DNAH3: variants seen among roughly 807,000 people sequenced by gnomAD.
DNAH3 encodes the protein dynein axonemal heavy chain 3, also known as axonemal beta dynein heavy chain 3.
A neutral mutation model predicts 432.5 loss-of-function variants in DNAH3; 332 were observed. That is an observed-to-expected ratio of 0.77 (90% confidence interval 0.70 to 0.84). The LOEUF is 0.84. Among genes scored for constraint, DNAH3 ranks in the 40% least tolerant of loss-of-function variants. The pLI, the probability that DNAH3 is intolerant of heterozygous loss-of-function variation, is 0.00. For synonymous variants in DNAH3, 1,956 were observed against 1,900.2 expected, an observed-to-expected ratio of 1.03 and a Z score of -0.76; for missense variants, 4,861 against 5,114.0, an observed-to-expected ratio of 0.95 and a Z score of 1.51.
chr16:21,083,212 C>T (rs1375760607), intron 19 of DNAH3, among the ~76,000 whole-genome samples: 5 of 152,114 alleles, frequency 3.3e-5, no homozygotes, highest in South Asian at 2.1e-4. Flanking sequence ...AATGGGGTTT[C>T]GCCATGTTGG....
At chr16:20,951,120 C>G (rs542222641) in intron 56 of DNAH3, among the ~76,000 whole-genome samples, 1 of 152,126 alleles carries the variant, frequency 6.6e-6, no homozygotes, top group African/African-American at 2.4e-5. Flanking sequence ...AGCCTATGAT[C>G]AAGTTTTACA....
chr16:21,056,376 T>TTCTC (rs542508151), intron 27 of DNAH3, among the ~76,000 whole-genome samples: 1 of 132,516 alleles, frequency 7.5e-6, no homozygotes, highest in East Asian at 2.6e-4. Context: ...CCTTCTTTTT[T>TTCTC]CCTCCCTCCC....
chr16:20,992,170 T>C (rs1458063875), intron 44 of DNAH3, among the ~76,000 whole-genome samples: 1 of 152,018 alleles, frequency 6.6e-6, no homozygotes, highest in Non-Finnish European at 1.5e-5. Flanking sequence ...TATATTTAGA[T>C]AAATTTCAAT....
chr16:21,062,206 T>A (rs559021074), intron 25 of DNAH3, among the ~76,000 whole-genome samples: 1 of 152,290 alleles, frequency 6.6e-6, no homozygotes, highest in Admixed American at 6.5e-5. Context: ...ATCGGCTGTT[T>A]GGATCTGATT....
chr16:20,982,407 CATT>C (rs1802110187), intron 49 of DNAH3, among the ~76,000 whole-genome samples: 1 of 151,958 alleles, frequency 6.6e-6, no homozygotes, highest in Non-Finnish European at 1.5e-5. Flanking sequence ...AACAAACAAA[CATT>C]GTTTTGTGGT....
chr16:20,957,615 C>T (rs1237085055), intron 54 of DNAH3, among the ~76,000 whole-genome samples: 2 of 151,682 alleles, frequency 1.3e-5, no homozygotes, highest in Non-Finnish European at 2.9e-5. Flanking sequence ...GAGTTCAAGA[C>T]CAGCCTGACC....
intron 18 of DNAH3, among the ~76,000 whole-genome samples, chr16:21,089,904 C>T (rs2091480732): frequency 6.6e-6 from 1 of 150,780 alleles, no homozygotes; most frequent in Non-Finnish European, 1.5e-5. Flanking sequence ...AATTGATAGG[C>T]CTAAAAAAAA....
chr16:21,156,560 G>A (rs930248551), intron 1 of DNAH3, among the ~76,000 whole-genome samples: 31 of 152,110 alleles, frequency 2.0e-4, no homozygotes, highest in Admixed American at 1.3e-3. Flanking sequence ...CATTTAGGAG[G>A]GCTTCACCTT....
intron 39 of DNAH3, among the ~76,000 whole-genome samples, chr16:21,023,643 A>G (rs2088369193): frequency 6.6e-6 from 1 of 152,136 alleles, no homozygotes; most frequent in Non-Finnish European, 1.5e-5. Context: ...TGAGGCTGAG[A>G]AAGAGCAGGA....
Position 20,980,380 on chromosome 16 carries a change from G to C in DNAH3, c.7860-834C>G, listed in dbSNP as rs958850041. On this transcript the variant is annotated intron_variant, in intron 49 of 61. Transcript: ENST00000261383. Reference sequence around the variant, plus strand: ...TATATAAATATATATATATGTGGGGGGGGAGAGAGAGAGACAGGATTGCAC... The same window carrying C: ...TATATAAATATATATATATGTGGGGCGGGAGAGAGAGAGACAGGATTGCAC... Among the ~76,000 whole-genome samples the C allele has an allele frequency of 6.5e-5, 8 of 123,734 alleles. No homozygotes were observed. In the South Asian group the frequency reaches 2.3e-3, roughly 35 times the overall value. The allele number at this position is 123,734 out of a possible 152,430, so 81.2% of individuals were successfully genotyped here.
Position 21,156,652 on chromosome 16 carries a change from T to A in DNAH3, c.117+2673A>T, listed in dbSNP as rs557735657. 1.3e-3 allele frequency among the ~76,000 whole-genome samples: 191 copies of A among 152,170 alleles called. 2 individuals are homozygous for A. In the Middle Eastern group the frequency reaches 0.031, roughly 24 times the overall value. On this transcript the variant is annotated intron_variant, in intron 1 of 61. Coordinates refer to ENST00000261383, the Ensembl canonical transcript of DNAH3. ...GGATTTTAGAGGAACAGACATTCAGTCCATTGCAGCAAGTAATTGGGAAAG... is the reference window on the plus strand; with the variant it reads ...GGATTTTAGAGGAACAGACATTCAGACCATTGCAGCAAGTAATTGGGAAAG...
intron 41 of DNAH3, among the ~76,000 whole-genome samples, chr16:21,004,596 G>A (rs906010251): frequency 2.6e-5 from 4 of 152,008 alleles, no homozygotes; most frequent in African/African-American, 9.7e-5. Context: ...TCAAACTCCC[G>A]ACCTCAGGTG....
chr16:21,106,217 T>C (rs2091942939), intron 15 of DNAH3, among the ~76,000 whole-genome samples: 1 of 150,306 alleles, frequency 6.7e-6, no homozygotes, highest in Non-Finnish European at 1.5e-5. Context: ...AGGTCAAGTG[T>C]CTATCTATGT....
intron 1 of DNAH3, among the ~76,000 whole-genome samples, chr16:21,148,442 AT>A (rs66495991): frequency 0.19 from 27,559 of 144,490 alleles, 2,592 homozygotes; most frequent in South Asian, 0.25. Flanking sequence ...ATTATTATTT[AT>A]TTTTTTTTTT....
intron 8 of DNAH3, among the ~76,000 whole-genome samples, chr16:21,126,720 T>G (rs981305866): frequency 6.6e-6 from 1 of 152,190 alleles, no homozygotes; most frequent in African/African-American, 2.4e-5. Flanking sequence ...CAGCTTCATC[T>G]GTATTTACAG....
At chr16:21,034,415 G>T (rs574408883) in intron 35 of DNAH3, among the ~76,000 whole-genome samples, 1 of 152,186 alleles carries the variant, frequency 6.6e-6, no homozygotes, top group Non-Finnish European at 1.5e-5. Context: ...GAGCCCAAGA[G>T]AGGTTAAATA....
At chr16:21,154,422 A>G (rs1168796052) in intron 1 of DNAH3, among the ~76,000 whole-genome samples, 1 of 151,724 alleles carries the variant, frequency 6.6e-6, no homozygotes, top group Non-Finnish European at 1.5e-5. Flanking sequence ...AAAAAATTAG[A>G]ATGGTCCTGA....
At chr16:21,102,356 A>G (rs1431696969) in intron 16 of DNAH3, among the ~76,000 whole-genome samples, 1 of 152,164 alleles carries the variant, frequency 6.6e-6, no homozygotes, top group Non-Finnish European at 1.5e-5. Context: ...ACTGTCTCTA[A>G]TTGGTCTTGG....
chr16:21,155,323 A>G (rs2092890808), intron 1 of DNAH3, among the ~76,000 whole-genome samples: 1 of 152,010 alleles, frequency 6.6e-6, no homozygotes, highest in African/African-American at 2.4e-5. Flanking sequence ...ACAATTTTTC[A>G]GGTAAAAGAA....
Sources: allele counts gnomAD v4.1 joint callset (sites outside exome capture counted in the v4.1 genomes callset), GRCh38; gene constraint gnomAD v4.1.1; transcripts MANE v1.5; gene names NCBI Gene and HGNC (gene_info 2026-07-23, HGNC 2026-07-21).